Variants in PCDHGA3 observed in about 807,000 individuals in gnomAD.
PCDHGA3 encodes the protein protocadherin gamma-A3.
Under a neutral mutation model 58.5 loss-of-function variants are expected in PCDHGA3, and 40 were observed. That is an observed-to-expected ratio of 0.68 (90% CI 0.53 to 0.89). PCDHGA3 has a LOEUF of 0.89. Ranked by LOEUF, PCDHGA3 falls within the 40% of genes least tolerant of loss-of-function variation. PCDHGA3 has a pLI of 0.00. For synonymous variants in PCDHGA3, 530 were observed against 525.7 expected, an observed-to-expected ratio of 1.01 and a Z score of -0.11; for missense variants, 1,223 against 1,195.9, an observed-to-expected ratio of 1.02 and a Z score of -0.33.
intron 2 of PCDHGA3, among the ~76,000 whole-genome samples, chr5:141,504,579 G>T (rs994771989): frequency 2.0e-5 from 3 of 149,174 alleles, no homozygotes; most frequent in Non-Finnish European, 4.4e-5. Context: ...AACACCATCT[G>T]CCCAGGATTC....
chr5:141,433,837 C>CAAAAAA (rs56191208), intron 1 of PCDHGA3, among the ~76,000 whole-genome samples: 2 of 111,692 alleles, frequency 1.8e-5, no homozygotes, highest in Non-Finnish European at 3.9e-5. Context: ...AACTCTATCT[C>CAAAAAA]AAAAAAAAAA....
chr5:141,379,992 T>G (rs1776127891), intron 1 of PCDHGA3, among the ~76,000 whole-genome samples: 1 of 144,024 alleles, frequency 6.9e-6, no homozygotes, highest in South Asian at 2.4e-4. Flanking sequence ...TTCCTCCTCC[T>G]GGGTTCAAGC....
rs1046741074 is a variant in PCDHGA3, at chr5:141,344,238, A to C, written c.205A>C (p.Arg69=). The C allele has an allele frequency of 1.9e-6, 3 of 1,614,044 alleles. No individual in the cohort carries two copies. The highest frequency in any genetic ancestry group is 2.2e-5 in the East Asian group (1 of 44,882). Residue 69 remains arginine (R), a synonymous_variant, in exon 1 of 4, where the codon AGA becomes CGA. Coordinates refer to ENST00000253812, the MANE Select transcript of PCDHGA3 (RefSeq NM_018916.4). ...GGAGCGCGGAGTCCGCATCGTCTCC[A>C]GAGGTAGGACGCAGCTTTTCTCTCT... ...LAERGVRIVS[R]GRTQLFSLNP...
intron 1 of PCDHGA3, among the ~76,000 whole-genome samples, chr5:141,430,341 C>T (rs766664177): frequency 1.4e-4 from 21 of 149,938 alleles, no homozygotes; most frequent in Non-Finnish European, 2.8e-4. Context: ...TAGAAACTTC[C>T]AATTCATTTA....
rs146243220 is a variant in PCDHGA3 at position 141,351,894 on chromosome 5, G to C, written c.2424+5437G>C. 8.0e-4 allele frequency: 1,286 copies of C among 1,613,426 alleles called. 8 individuals are homozygous for C. In the South Asian group the frequency reaches 8.1e-3, roughly 10 times the overall value. ...GCGCTCAGCGCCAACGTGAGCCTGCGCGTGTTGGTGGGCGACCTCAATGAC... is the reference window on the plus strand; with the variant it reads ...GCGCTCAGCGCCAACGTGAGCCTGCCCGTGTTGGTGGGCGACCTCAATGAC... On this transcript the variant is annotated intron_variant, in intron 1 of 3. Transcript: ENST00000253812.
intron 3 of PCDHGA3, chr5:141,508,338 A>T (rs1245526252): frequency 1.3e-5 from 2 of 152,224 alleles, no homozygotes; most frequent in Non-Finnish European, 2.9e-5. Flanking sequence ...AACTGACTCT[A>T]CAGAAAGTCA....
chr5:141,393,504 A>T, intron 1 of PCDHGA3: 1 of 1,614,036 alleles, frequency 6.2e-7, no homozygotes. Flanking sequence ...CATCCACGTG[A>T]CAGTGTTGGA....
rs775643473 is a variant in PCDHGA3 at position 141,355,907 on chromosome 5, A to G, written c.2424+9450A>G. ...ATTCTCATAATACTTGTGGATACCA[A>G]CGATAATGCTCCCGTGTTCACTCAG... On this transcript the variant is annotated intron_variant, in intron 1 of 3. Coordinates refer to ENST00000253812, the MANE Select transcript of PCDHGA3 (RefSeq NM_018916.4). 3.1e-6 allele frequency: 5 copies of G among 1,613,664 alleles called. No individual in the cohort carries two copies. The African/African-American group carries it at 4.0e-5, about 13-fold the overall frequency.
chr5:141,431,673 G>A lies in PCDHGA3; in HGVS notation c.2425-63134G>A. On this transcript the variant is annotated intron_variant, in intron 1 of 3. Coordinates refer to ENST00000253812, the MANE Select transcript of PCDHGA3 (RefSeq NM_018916.4). The surrounding 1 kb of genome is among the most constrained non-coding windows in gnomAD (Gnocchi z 4.8). ...AATTCAGGGACAATATCAACAATAG[G>A]GGAGTTGGACCACGAGGAGTCAGGA... 1 of 1,614,214 alleles carries A rather than the reference G, an allele frequency of 6.2e-7. No homozygotes were observed. The highest frequency in any genetic ancestry group is 8.5e-7 in the Non-Finnish European group (1 of 1,180,044).
At chr5:141,362,021 C>A (rs1233254898) in intron 1 of PCDHGA3, 1 of 1,607,220 alleles carries the variant, frequency 6.2e-7, no homozygotes, top group Admixed American at 1.7e-5. Flanking sequence ...GTGCGCACAG[C>A]GCGTGCCTTG....
chr5:141,418,294 C>G, intron 1 of PCDHGA3: 1 of 1,613,988 alleles, frequency 6.2e-7, no homozygotes. Flanking sequence ...TCAGTGAATC[C>G]GTCAGCCTGG....
intron 1 of PCDHGA3, chr5:141,385,652 G>T: frequency 1.5e-6 from 1 of 651,480 alleles, no homozygotes; most frequent in South Asian, 5.5e-5. Context: ...ATTGCACAAG[G>T]TTAGCAGGAA....
intron 1 of PCDHGA3, chr5:141,352,645 T>G: frequency 6.2e-7 from 1 of 1,605,708 alleles, no homozygotes; most frequent in Non-Finnish European, 8.5e-7. Flanking sequence ...ACAAAATCGC[T>G]TATGACCCTT....
At chr5:141,383,126 C>A in intron 1 of PCDHGA3, 1 of 1,614,062 alleles carries the variant, frequency 6.2e-7, no homozygotes, top group East Asian at 2.2e-5. Context: ...CAGCTTTTCG[C>A]CCTGAACCAG....
rs76381401 is a variant in PCDHGA3, at chr5:141,399,054, G to A, written c.2424+52597G>A. 4.7e-4 allele frequency: 759 copies of A among 1,613,694 alleles called. 3 individuals are homozygous for A. The African/African-American group carries it at 8.4e-3, about 18-fold the overall frequency. ...AGAAACTGGATTTTGAAGAGACCAAGGAATATTCAATGGTTGTAGAAGGGA... is the reference window on the plus strand; with the variant it reads ...AGAAACTGGATTTTGAAGAGACCAAAGAATATTCAATGGTTGTAGAAGGGA... On this transcript the variant is annotated intron_variant, in intron 1 of 3. Coordinates refer to ENST00000253812, the MANE Select transcript of PCDHGA3 (RefSeq NM_018916.4).
At chr5:141,383,622 C>G (rs780650375) in intron 1 of PCDHGA3, 19 of 1,613,798 alleles carry the variant, frequency 1.2e-5, no homozygotes, top group Admixed American at 3.3e-5. Flanking sequence ...ACACGCCTGT[C>G]TTCTCTCTGC....
At chr5:141,434,883 C>T (rs1490696834) in intron 1 of PCDHGA3, among the ~76,000 whole-genome samples, 1 of 151,644 alleles carries the variant, frequency 6.6e-6, no homozygotes, top group Non-Finnish European at 1.5e-5. Context: ...ATACCAACAA[C>T]AATCCAGTCC....
chr5:141,432,991 C>T lies in PCDHGA3; in HGVS notation c.2425-61816C>T. ...CGGCGTCGCACTTTGTGGGCGTGGA[C>T]GGGGTGCAGGCTTTCCTGCAGACCT... is the stretch of plus-strand genomic sequence containing the variant. On this transcript the variant is annotated intron_variant, in intron 1 of 3. Coordinates refer to ENST00000253812, the MANE Select transcript of PCDHGA3 (RefSeq NM_018916.4). This position sits in a 1 kb window ranked among gnomAD's most constrained non-coding sequence, Gnocchi z 6.0. 6.2e-7 allele frequency: 1 copy of T among 1,614,200 alleles called. No individual in the cohort carries two copies. The highest frequency in any genetic ancestry group is 8.5e-7 in the Non-Finnish European group (1 of 1,180,030).
At chr5:141,388,439 A>G (rs1209677690) in intron 1 of PCDHGA3, 10 of 1,613,896 alleles carry the variant, frequency 6.2e-6, no homozygotes, top group Non-Finnish European at 8.5e-6. Context: ...ATAAAGAGAA[A>G]TCAGATGGCA....
Sources: gnomAD v4.1 joint callset for allele counts (sites outside exome capture counted in the v4.1 genomes callset) on GRCh38, gnomAD v4.1.1 for gene constraint, Gnocchi (gnomAD v3.1) non-coding constraint, MANE v1.5 for transcripts, NCBI Gene and HGNC (gene_info 2026-07-23, HGNC 2026-07-21) for gene names.